The following LRFN5 variants were observed in gnomAD, a reference collection of about 807,000 sequenced individuals.
LRFN5 encodes the protein leucine-rich repeat and fibronectin type-III domain-containing protein 5.
In LRFN5, 24 loss-of-function variants were observed where a neutral mutation model predicts 45.6. The ratio of observed to expected loss-of-function variants is 0.53; its 90% CI spans 0.38 to 0.74. The LOEUF (loss-of-function observed/expected upper bound fraction) is 0.74, where lower values mean the gene tolerates loss of function less well. LRFN5 is among the 30% of genes least tolerant of loss of function. The pLI, the probability that LRFN5 is intolerant of heterozygous loss-of-function variation, is 0.00. For synonymous variants in LRFN5, 340 were observed against 313.8 expected, an observed-to-expected ratio of 1.08 and a Z score of -0.88; for missense variants, 776 against 861.5, an observed-to-expected ratio of 0.90 and a Z score of 1.24.
intron 1 of LRFN5, among the ~76,000 whole-genome samples, chr14:41,730,607 C>T (rs1029315413): frequency 1.3e-5 from 2 of 151,770 alleles, no homozygotes; most frequent in African/African-American, 2.4e-5. Context: ...CAGTTTTGTA[C>T]GTTAACACAT....
chr14:41,736,490 T>C (rs1884436574), intron 1 of LRFN5, among the ~76,000 whole-genome samples: 1 of 152,192 alleles, frequency 6.6e-6, no homozygotes, highest in African/African-American at 2.4e-5. Flanking sequence ...AGATTCTGGA[T>C]ATTACCCCTT....
intron 4 of LRFN5, chr14:41,892,843 C>G (rs959832812): frequency 2.5e-5 from 25 of 985,142 alleles, no homozygotes; most frequent in Non-Finnish European, 3.0e-5. Context: ...TCCTATGCAT[C>G]TACATGGACA....
chr14:41,805,814 A>T (rs1234733649), intron 2 of LRFN5, among the ~76,000 whole-genome samples: 2 of 152,156 alleles, frequency 1.3e-5, no homozygotes, highest in East Asian at 3.9e-4. Flanking sequence ...GAGCTGAGTG[A>T]CTTCCTGGTG....
chr14:41,612,621 A>G (rs930680518), intron 1 of LRFN5, among the ~76,000 whole-genome samples: 1 of 152,134 alleles, frequency 6.6e-6, no homozygotes, highest in Non-Finnish European at 1.5e-5. Flanking sequence ...CTTGAGAGTG[A>G]GACTTCTTAT....
intron 2 of LRFN5, among the ~76,000 whole-genome samples, chr14:41,867,383 C>A (rs1304163220): frequency 6.6e-6 from 1 of 151,862 alleles, no homozygotes; most frequent in Non-Finnish European, 1.5e-5. Flanking sequence ...TATGTGTGTG[C>A]ATGGGTGCAC....
At chr14:41,631,381 C>G (rs149069677) in intron 1 of LRFN5, among the ~76,000 whole-genome samples, 1 of 152,212 alleles carries the variant, frequency 6.6e-6, no homozygotes, top group Non-Finnish European at 1.5e-5. Flanking sequence ...CTGTGAGAAG[C>G]CTCTCCTGAT....
chr14:41,837,292 C>T (rs1251453783), intron 2 of LRFN5, among the ~76,000 whole-genome samples: 1 of 151,596 alleles, frequency 6.6e-6, no homozygotes, highest in African/African-American at 2.4e-5. Context: ...ACAACCACAC[C>T]TGCAATTAAA....
intron 1 of LRFN5, among the ~76,000 whole-genome samples, chr14:41,657,071 A>G (rs1208283601): frequency 6.6e-6 from 1 of 151,882 alleles, no homozygotes; most frequent in African/African-American, 2.4e-5. Flanking sequence ...AAGTCATAGG[A>G]TCATTTGTTT....
chr14:41,781,600 G>GA (rs1297761780), intron 2 of LRFN5, among the ~76,000 whole-genome samples: 6 of 82,810 alleles, frequency 7.2e-5, no homozygotes, highest in Non-Finnish European at 1.2e-4. Flanking sequence ...AAGAAAGAAA[G>GA]AAAGAAAGAA....
At chr14:41,649,972 G>T (rs191186171) in intron 1 of LRFN5, among the ~76,000 whole-genome samples, 1 of 152,092 alleles carries the variant, frequency 6.6e-6, no homozygotes, top group Non-Finnish European at 1.5e-5. Context: ...TTTAACATTT[G>T]TAGTGCTCAA....
At chr14:41,888,997 A>G (rs1439768862) in intron 3 of LRFN5, among the ~76,000 whole-genome samples, 1 of 93,636 alleles carries the variant, frequency 1.1e-5, no homozygotes, top group Non-Finnish European at 2.5e-5. Context: ...GTGTGTATGT[A>G]TACACATATA....
intron 1 of LRFN5, among the ~76,000 whole-genome samples, chr14:41,756,479 T>C (rs1380982917): frequency 6.6e-6 from 1 of 152,182 alleles, no homozygotes; most frequent in East Asian, 1.9e-4. Context: ...TTATTCTTTT[T>C]TCTCTAAACT....
intron 1 of LRFN5, among the ~76,000 whole-genome samples, chr14:41,706,468 T>C (rs1883073109): frequency 6.6e-6 from 1 of 152,158 alleles, no homozygotes; most frequent in African/African-American, 2.4e-5. Context: ...TTTTTATTCT[T>C]CAATGGAATA....
intron 1 of LRFN5, among the ~76,000 whole-genome samples, chr14:41,749,093 C>G (rs1216335745): frequency 1.3e-5 from 2 of 151,920 alleles, no homozygotes; most frequent in Non-Finnish European, 2.9e-5. Context: ...TTGGCCACTC[C>G]CAAAATAATG....
intron 1 of LRFN5, among the ~76,000 whole-genome samples, chr14:41,682,023 GTCC>G (rs1207458351): frequency 3.9e-3 from 586 of 151,730 alleles, no homozygotes; most frequent in Non-Finnish European, 6.1e-3. Context: ...TCACCATATT[GTCC>G]GGGCTGGTCT....
At chr14:41,809,578 T>C (rs887139631) in intron 2 of LRFN5, among the ~76,000 whole-genome samples, 9 of 151,846 alleles carry the variant, frequency 5.9e-5, no homozygotes, top group Admixed American at 2.6e-4. Flanking sequence ...GAGTGTTTAT[T>C]AATTATTAAC....
intron 2 of LRFN5, among the ~76,000 whole-genome samples, chr14:41,820,477 A>AT: frequency 6.6e-6 from 1 of 152,024 alleles, no homozygotes; most frequent in East Asian, 1.9e-4. Flanking sequence ...CCATGTGTCT[A>AT]TTTTTATACC....
rs528288270 is a variant in LRFN5, at chr14:41,630,391, A to T, written c.-197+21829A>T. On this transcript the variant is annotated intron_variant, in intron 1 of 5. Coordinates refer to ENST00000298119, the MANE Select transcript of LRFN5 (RefSeq NM_152447.5). ...TAAATATTTATTGTTTCAAAAGTATAATGGGAATTGCTGATCCTATTTAAG... is the reference window on the plus strand; with the variant it reads ...TAAATATTTATTGTTTCAAAAGTATTATGGGAATTGCTGATCCTATTTAAG... Among the ~76,000 whole-genome samples the T allele has an allele frequency of 2.3e-3, 357 of 152,256 alleles. 1 individual carries two copies. The highest frequency in any genetic ancestry group is 8.1e-3 in the African/African-American group (338 of 41,568).
At chr14:41,648,332 T>A (rs899488521) in intron 1 of LRFN5, among the ~76,000 whole-genome samples, 1 of 152,120 alleles carries the variant, frequency 6.6e-6, no homozygotes, top group Non-Finnish European at 1.5e-5. Flanking sequence ...ATCTTCCAAA[T>A]CAATAAATGT....
Sources: gnomAD v4.1 joint callset for allele counts (sites outside exome capture counted in the v4.1 genomes callset) on GRCh38, gnomAD v4.1.1 for gene constraint, MANE v1.5 for transcripts, NCBI Gene and HGNC (gene_info 2026-07-23, HGNC 2026-07-21) for gene names.